The following LCORL variants were observed in gnomAD, a reference collection of about 807,000 sequenced individuals.
LCORL encodes ligand-dependent nuclear receptor corepressor-like protein.
LCORL carries 41 observed loss-of-function variants against 141.8 expected under a neutral mutation model. The ratio of observed to expected loss-of-function variants is 0.29; its 90% CI spans 0.23 to 0.38. The LOEUF is 0.38. Ranked by LOEUF, LCORL falls within the 10% of genes least tolerant of loss-of-function variation. The pLI is 1.00. For missense variants in LCORL, 1,759 were observed against 2,035.0 expected, an observed-to-expected ratio of 0.86 and a Z score of 2.61; for synonymous variants, 618 against 694.1, an observed-to-expected ratio of 0.89 and a Z score of 1.72.
chr4:17,871,084 T>C (rs13144223), intron 7 of LCORL, among the ~76,000 whole-genome samples: 18,634 of 151,910 alleles, frequency 0.12, 1,278 homozygotes, highest in South Asian at 0.24. Flanking sequence ...GAAAAACACA[T>C]ATAAAACTAA....
intron 1 of LCORL, among the ~76,000 whole-genome samples, chr4:17,998,870 TG>T (rs1010191073): frequency 2.1e-5 from 3 of 144,376 alleles, no homozygotes; most frequent in Non-Finnish European, 1.5e-5. Flanking sequence ...GAGGCTGAAG[TG>T]GGAGATCACC....
At chr4:17,849,748 A>G (rs1365639323) in intron 7 of LCORL, among the ~76,000 whole-genome samples, 1 of 152,128 alleles carries the variant, frequency 6.6e-6, no homozygotes, top group Admixed American at 6.5e-5. Flanking sequence ...TCAAGCTACC[A>G]ATGACTTTCT....
intron 7 of LCORL, among the ~76,000 whole-genome samples, chr4:17,869,438 C>G (rs1329378326): frequency 1.3e-5 from 2 of 152,116 alleles, no homozygotes; most frequent in Non-Finnish European, 2.9e-5. Flanking sequence ...TTGCTATATT[C>G]AATGGAACCG....
chr4:17,875,070 C>T, exon 7 of LCORL: 1 of 1,233,544 alleles, frequency 8.1e-7, no homozygotes, highest in Non-Finnish European at 1.0e-6. Flanking sequence ...TTCAGTGTGC[C>T]TTATTTTATC....
At chr4:17,859,694 C>G (rs1164216150) in intron 7 of LCORL, among the ~76,000 whole-genome samples, 2 of 152,106 alleles carry the variant, frequency 1.3e-5, no homozygotes, top group Non-Finnish European at 2.9e-5. Flanking sequence ...ATAACATTTA[C>G]AGAAGTAAAA....
intron 7 of LCORL, among the ~76,000 whole-genome samples, chr4:17,862,253 T>C (rs781205972): frequency 6.6e-6 from 1 of 152,192 alleles, no homozygotes; most frequent in Non-Finnish European, 1.5e-5. Flanking sequence ...CTCACAATCA[T>C]GGCAAAAGGT....
chr4:17,982,745 T>A (rs2109731631), intron 1 of LCORL, among the ~76,000 whole-genome samples: 1 of 152,332 alleles, frequency 6.6e-6, no homozygotes, highest in African/African-American at 2.4e-5. Flanking sequence ...TGACAGTTTC[T>A]TTTGCTGTGC....
intron 4 of LCORL, among the ~76,000 whole-genome samples, chr4:17,943,772 G>A (rs1738367070): frequency 6.6e-6 from 1 of 152,142 alleles, no homozygotes; most frequent in Admixed American, 6.5e-5. Flanking sequence ...AGAATCATAG[G>A]ACCTTTGGTT....
chr4:17,876,830 G>A (rs1411168041), exon 7 of LCORL: 1 of 1,230,582 alleles, frequency 8.1e-7, no homozygotes, highest in Non-Finnish European at 1.0e-6. Context: ...TTGTTTTAAA[G>A]CTTTCTGAAA....
intron 2 of LCORL, among the ~76,000 whole-genome samples, chr4:17,965,215 A>T (rs945271691): frequency 6.6e-6 from 1 of 152,222 alleles, no homozygotes; most frequent in East Asian, 1.9e-4. Context: ...TTATAGCTTT[A>T]CTTACAAATA....
chr4:17,971,488 C>T (rs1332399381), intron 2 of LCORL, among the ~76,000 whole-genome samples: 2 of 149,728 alleles, frequency 1.3e-5, no homozygotes, highest in African/African-American at 4.9e-5. Context: ...CTTTGAATGA[C>T]CTATAATGAG....
At chr4:17,965,301 T>C (rs1266705991) in intron 2 of LCORL, among the ~76,000 whole-genome samples, 1 of 152,112 alleles carries the variant, frequency 6.6e-6, no homozygotes, top group Non-Finnish European at 1.5e-5. Flanking sequence ...TTTTTCTACA[T>C]GGAAAAATAG....
intron 6 of LCORL, among the ~76,000 whole-genome samples, chr4:17,879,083 T>C (rs1197765046): frequency 1.3e-5 from 2 of 151,346 alleles, no homozygotes; most frequent in African/African-American, 4.8e-5. Context: ...TTACAGTTTA[T>C]TACATTTGTT....
In LCORL at chr4:17,851,690, C is replaced by A. The variant is rs1470868778; in HGVS notation, c.5603-5789G>T. Among the ~76,000 whole-genome samples, 3 of 152,078 alleles carry A rather than the reference C, an allele frequency of 2.0e-5. No individual in the cohort carries two copies. The East Asian group carries it at 5.8e-4, about 29-fold the overall frequency. On this transcript the variant is annotated intron_variant, in intron 7 of 7. Coordinates refer to ENST00000635767, the Ensembl canonical transcript of LCORL. ...CATGTGTTCAAGTATATCTATAGAG[C>A]TGACGAGGAGTAGAATAGCTGGGTC...
At chr4:17,968,061 T>C (rs1255866046) in intron 2 of LCORL, among the ~76,000 whole-genome samples, 1 of 152,134 alleles carries the variant, frequency 6.6e-6, no homozygotes, top group African/African-American at 2.4e-5. Context: ...TTTCACCATG[T>C]TGGCCAGGCC....
intron 6 of LCORL, chr4:17,883,259 G>A (rs1014016086): frequency 1.5e-5 from 15 of 985,818 alleles, no homozygotes; most frequent in Non-Finnish European, 1.7e-5. Flanking sequence ...TTGGTTGCTT[G>A]ACATACATAC....
intron 5 of LCORL, among the ~76,000 whole-genome samples, chr4:17,902,061 G>A (rs1313481420): frequency 6.6e-6 from 1 of 151,976 alleles, no homozygotes; most frequent in Non-Finnish European, 1.5e-5. Context: ...GGGGGTAGAA[G>A]GTAGCTTTTT....
At chr4:17,930,681 T>C (rs547187684) in intron 4 of LCORL, among the ~76,000 whole-genome samples, 3 of 152,202 alleles carry the variant, frequency 2.0e-5, no homozygotes, top group Non-Finnish European at 2.9e-5. Flanking sequence ...TAATGTAGCA[T>C]AGGATTACGT....
intron 1 of LCORL, among the ~76,000 whole-genome samples, chr4:17,979,722 A>G (rs915099079): frequency 6.6e-6 from 1 of 152,190 alleles, no homozygotes; most frequent in Admixed American, 6.5e-5. Flanking sequence ...AAGGCCTAGA[A>G]TGGAAGTGCT....
Sources: gnomAD v4.1 joint callset for allele counts (sites outside exome capture counted in the v4.1 genomes callset) on GRCh38, gnomAD v4.1.1 for gene constraint, MANE v1.5 for transcripts, NCBI Gene and HGNC (gene_info 2026-07-23, HGNC 2026-07-21) for gene names.